The following POLG variants were observed in gnomAD, a reference collection of about 807,000 sequenced individuals.
POLG encodes the protein DNA polymerase gamma, catalytic subunit, also known as DNA polymerase subunit gamma-1.
A neutral mutation model predicts 155.4 loss-of-function variants in POLG; 110 were observed. The observed-to-expected ratio is 0.71, with a 90% CI of 0.61 to 0.83. The LOEUF (loss-of-function observed/expected upper bound fraction) is 0.83. Among genes scored for constraint, POLG ranks in the 40% least tolerant of loss-of-function variants. The pLI is 0.00. For synonymous variants in POLG, 701 were observed against 631.5 expected, an observed-to-expected ratio of 1.11 and a Z score of -1.65; for missense variants, 1,685 against 1,627.5, an observed-to-expected ratio of 1.04 and a Z score of -0.61.
rs750875156 is a variant in POLG at position 89,328,470 on chromosome 15, C to T, written c.1236G>A (p.Pro412=). The T allele has an allele frequency of 6.8e-6, 11 of 1,613,016 alleles. No individual in the cohort carries two copies. Among genetic ancestry groups the T allele is most frequent in the Admixed American group, 3.3e-5 (2 of 59,998 alleles). Reference sequence around the variant, plus strand: ...CTCCCCCTCACCTCTCCAAGAAGAGCGGTAGCTGCTGCTGGAAAACCTCAT... The same window carrying T: ...CTCCCCCTCACCTCTCCAAGAAGAGTGGTAGCTGCTGCTGGAAAACCTCAT... ...ATHEVFQQQL[P]LFLERCPHPV... is the part of the protein sequence containing the mutation. Residue 412 remains proline (P), a synonymous_variant, in exon 6 of 23, where the codon CCG becomes CCA. Coordinates refer to ENST00000268124, the MANE Select transcript of POLG (RefSeq NM_002693.3).
At position 89,327,023 on chromosome 15, in the gene POLG, G is replaced by A. The variant is rs2152066960; in HGVS notation, c.1474C>T (p.Leu492=). The A allele has an allele frequency of 1.9e-6, 3 of 1,614,178 alleles. No homozygotes were observed. The highest frequency in any genetic ancestry group is 2.5e-6 in the Non-Finnish European group (3 of 1,180,030). ...GCTTTCTTCTGCTTAAATTCTTGCA[G>A]GTCCCACTCCAGGTCCCAGAGCCAG... ...DPWLWDLEWD[L]QEFKQKKAKK... is the part of the protein sequence containing the mutation. The change falls in exon 8 of 23, where the codon CTG becomes TTG. Residue 492 remains leucine, a synonymous_variant. Coordinates refer to ENST00000268124, the MANE Select transcript of POLG (RefSeq NM_002693.3).
rs2055283787 is a variant in POLG at position 89,316,837 on chromosome 15, AG to A, written c.3644-11del. ...ATATCCAGCGCTTCACCTGAAAGATAGTGCAAATTGGTTAGGATGCCACCTC... is the reference window on the plus strand; with the variant it reads ...ATATCCAGCGCTTCACCTGAAAGATATGCAAATTGGTTAGGATGCCACCTC... On this transcript the variant is annotated splice_polypyrimidine_tract_variant and intron_variant, in intron 22 of 22. Transcript: ENST00000268124. The A allele has an allele frequency of 6.2e-7, 1 of 1,607,260 alleles. No homozygotes were observed. The highest frequency in any genetic ancestry group is 8.5e-7 in the Non-Finnish European group (1 of 1,173,828).
rs1164805902 is a variant in POLG, at chr15:89,316,380, A to G, written c.*371T>C. ...GCAGGTTTATCACGTTAGAGCATTA[A>G]TTCTTTCCCCTTCTAGGGCACTGCA... On this transcript the variant is annotated 3_prime_UTR_variant, in exon 23 of 23. Coordinates refer to ENST00000268124, the MANE Select transcript of POLG (RefSeq NM_002693.3). 1 of 1,608,540 alleles carries G rather than the reference A, an allele frequency of 6.2e-7. No homozygotes were observed. Among genetic ancestry groups the G allele is most frequent in the Non-Finnish European group, 8.5e-7 (1 of 1,176,758 alleles).
Position 89,326,990 on chromosome 15 carries a change from CCTT to C in POLG, c.1504_1506del (p.Lys502del). ...CTGGCTGTGGCTGGTTCCTTCTTCA[CCTT>C]CTTAGCTTTCTTCTGCTTAAATTCT... On this transcript the variant is annotated inframe_deletion, in exon 8 of 23. Transcript: ENST00000268124. The C allele has an allele frequency of 6.2e-7, 1 of 1,614,236 alleles. No homozygotes were observed. Among genetic ancestry groups the C allele is most frequent in the Non-Finnish European group, 8.5e-7 (1 of 1,180,042 alleles).
intron 1 of POLG, chr15:89,334,436 T>TTCGAA (rs1281450488): frequency 3.4e-5 from 5 of 148,582 alleles, no homozygotes; most frequent in African/African-American, 1.2e-4. Context: ...TGGGCCGCCG[T>TTCGAA]CCCCCGGGAC....
rs554059036 is a variant in POLG, at chr15:89,325,111, A to AGAGT, written c.1949+335_1949+338dup. Among the ~76,000 whole-genome samples, 20 of 36,940 alleles carry AGAGT rather than the reference A, an allele frequency of 5.4e-4. 5 individuals are homozygous for AGAGT. Among genetic ancestry groups the AGAGT allele is most frequent in the Non-Finnish European group, 7.4e-4 (15 of 20,260 alleles). The allele number at this position is 36,940 out of a possible 152,430, so 24.2% of individuals were successfully genotyped here. A position where few individuals can be genotyped will look rare whatever the true frequency, so the allele number is the denominator to read the frequency against. ...GAGTGAGTGAGTGAGAGAGTGAGAG[A>AGAGT]GAGTGAGTGAGTGAGTGAGAGAGTG... On this transcript the variant is annotated intron_variant, in intron 10 of 22. Coordinates refer to ENST00000268124, the MANE Select transcript of POLG (RefSeq NM_002693.3).
intron 11 of POLG, 38 bp from the exon 12 acceptor site, chr15:89,323,939 A>T: frequency 6.4e-7 from 1 of 1,550,770 alleles, no homozygotes. Flanking sequence ...GAAGCAGGGG[A>T]CTGGGTAGGC....
Position 89,317,470 on chromosome 15 carries a change from G to A in POLG, c.3549C>T (p.Val1183=), listed in dbSNP as rs777231247. The part of the protein sequence containing the change: ...LPQSVAFFSA[V]DIDRCLRKEV... ...CCTTCCTGAGGCACCGGTCAATATC[G>A]ACTGCACTGAAAAAGGCGACTGACT... The change falls in exon 22 of 23, where the codon GTC becomes GTT. Residue 1183 remains valine, a synonymous_variant. Transcript: ENST00000268124. 2.2e-5 allele frequency: 35 copies of A among 1,613,800 alleles called. 3 individuals carry two copies. In the Middle Eastern group the frequency reaches 4.1e-3, roughly 189 times the overall value.
rs780880601 is a variant in POLG at position 89,321,259 on chromosome 15, G to C, written c.2600C>G (p.Pro867Arg). 10 of 1,613,978 alleles carry C rather than the reference G, an allele frequency of 6.2e-6. No homozygotes were observed. The highest frequency in any genetic ancestry group is 1.3e-5 in the African/African-American group (1 of 74,938). Residue 867 changes from proline to arginine, a missense_variant and splice_region_variant, in exon 17 of 23, where the codon CCT (proline) becomes CGT (arginine). Physicochemically the swap from Pro to Arg is moderately radical, Grantham distance 103. Transcript: ENST00000268124. ...PTWLTASNAR[P>R]DRVGSELKAM... Reference sequence around the variant, plus strand: ...TTTCAACTCACTGCCTACTCGGTCAGGCTGTGGGAAGAGTGAGATACCCAA... The same window carrying C: ...TTTCAACTCACTGCCTACTCGGTCACGCTGTGGGAAGAGTGAGATACCCAA...
intron 2 of POLG, 53 bp downstream of exon 2, chr15:89,333,043 T>C (rs1217483184): frequency 3.3e-6 from 5 of 1,498,226 alleles, no homozygotes; most frequent in South Asian, 2.8e-5. Flanking sequence ...TGAAACAAAC[T>C]ATTAAGCTGG....
At chr15:89,323,051 GCGCGCACGCA>G (rs975780656) in intron 13 of POLG, 149 bp from the exon 14 acceptor site, 10 of 756,364 alleles carry the variant, frequency 1.3e-5, no homozygotes, top group African/African-American at 5.3e-5. Flanking sequence ...ACGCGCGCAC[GCGCGCACGCA>G]CACACACACG....
In POLG at chr15:89,323,602, CTG is replaced by C. The variant is rs1036252582; in HGVS notation, c.2158-93_2158-92del. The stretch of plus-strand genomic sequence containing the variant: ...TAGGGGGTGGGAAAAGGGCCTGAAA[CTG>C]TCGTCATCAGCTGGGAAATGACAAG... On this transcript the variant is annotated intron_variant, in intron 12 of 22. Transcript: ENST00000268124. 51 of 890,646 alleles carry C rather than the reference CTG, an allele frequency of 5.7e-5. No individual in the cohort carries two copies. In the Middle Eastern group the frequency reaches 7.6e-4, roughly 13 times the overall value. 55.2% of individuals were successfully genotyped at this position (890,646 alleles called of 1,614,324 possible). A position where few individuals can be genotyped will look rare whatever the true frequency, so the allele number is the denominator to read the frequency against.
chr15:89,333,064 C>T (rs2055615507), intron 2 of POLG, 32 bp downstream of exon 2: 1 of 1,504,142 alleles, frequency 6.6e-7, no homozygotes, highest in Non-Finnish European at 8.9e-7. Flanking sequence ...GCCCCCATGC[C>T]TGCTTATGTC....
Position 89,316,321 on chromosome 15 carries a change from T to G in POLG, c.*430A>C. 6.9e-7 allele frequency: 1 copy of G among 1,445,964 alleles called. No homozygotes were observed. Among genetic ancestry groups the G allele is most frequent in the Non-Finnish European group, 9.5e-7 (1 of 1,049,104 alleles). The allele number at this position is 1,445,964 out of a possible 1,614,324, so 89.6% of individuals were successfully genotyped here. A position where few individuals can be genotyped will look rare whatever the true frequency, so the allele number is the denominator to read the frequency against. On this transcript the variant is annotated 3_prime_UTR_variant, in exon 23 of 23. Coordinates refer to ENST00000268124, the MANE Select transcript of POLG (RefSeq NM_002693.3). ...AGGCTTTGATGAGAAGATAGAGTCTTTTTTTTCCTTCTTTTTATTTCCACT... is the reference window on the plus strand; with the variant it reads ...AGGCTTTGATGAGAAGATAGAGTCTGTTTTTTCCTTCTTTTTATTTCCACT...
At position 89,318,751 on chromosome 15, in the gene POLG, TG is replaced by T; in HGVS notation, c.3274-3del. The stretch of plus-strand genomic sequence containing the variant: ...CCAATTCACACGGCTGGTCATAAAC[TG>T]GGAAGGGAAGGTGGGCAGAGGTGAA... On this transcript the variant is annotated splice_polypyrimidine_tract_variant and splice_region_variant and intron_variant, in intron 20 of 22. Coordinates refer to ENST00000268124, the MANE Select transcript of POLG (RefSeq NM_002693.3). 6.2e-7 allele frequency: 1 copy of T among 1,613,698 alleles called. No homozygotes were observed. Among genetic ancestry groups the T allele is most frequent in the Non-Finnish European group, 8.5e-7 (1 of 1,179,752 alleles).
rs371964664 is a variant in POLG at position 89,325,430 on chromosome 15, C to G, written c.1949+20G>C. 317 of 1,547,266 alleles carry G rather than the reference C, an allele frequency of 2.0e-4. 1 individual carries two copies. The African/African-American group carries it at 3.2e-3, about 16-fold the overall frequency. On this transcript the variant is annotated intron_variant, in intron 10 of 22. Coordinates refer to ENST00000268124, the MANE Select transcript of POLG (RefSeq NM_002693.3). The stretch of plus-strand genomic sequence containing the variant: ...GGTCCCTAGGCTCCAGCCCCTTCCT[C>G]CCCTGGGCCTAAGCCTTACCTGTAG...
Position 89,323,055 on chromosome 15 carries a change from G to A in POLG, c.2266-153C>T, listed in dbSNP as rs3176202. ...TTGTATCACGCACGCGCGCACGCGC[G>A]CACGCACACACACACGTGCACACAC... On this transcript the variant is annotated intron_variant, in intron 13 of 22. Coordinates refer to ENST00000268124, the MANE Select transcript of POLG (RefSeq NM_002693.3). Among the ~76,000 whole-genome samples, 49,645 of 149,096 alleles carry A rather than the reference G, an allele frequency of 0.33. 8,943 individuals carry two copies. Among genetic ancestry groups the A allele is most frequent in the Non-Finnish European group, 0.39 (26,638 of 67,808 alleles).
chr15:89,321,315 C>G, intron 16 of POLG, 55 bp from the exon 17 acceptor site: 1 of 1,598,750 alleles, frequency 6.3e-7, no homozygotes, highest in Non-Finnish European at 8.6e-7. Context: ...TTCCTGGAGC[C>G]AGAGTTGACT....
At chr15:89,317,758 A>AT (rs2055321417) in intron 21 of POLG, 2 of 522,834 alleles carry the variant, frequency 3.8e-6, no homozygotes, top group Non-Finnish European at 3.3e-6. Context: ...GACTCAACAT[A>AT]CTTTTTTTTT....
Sources: gnomAD v4.1 joint callset for allele counts (sites outside exome capture counted in the v4.1 genomes callset) on GRCh38, gnomAD v4.1.1 for gene constraint, MANE v1.5 for transcripts, NCBI Gene and HGNC (gene_info 2026-07-23, HGNC 2026-07-21) for gene names.